NCOA6: variants seen among roughly 807,000 people sequenced by gnomAD.
The protein encoded by NCOA6 is NRC RAP250.
NCOA6 carries 49 observed loss-of-function variants against 171.4 expected under a neutral mutation model. The observed-to-expected ratio is 0.29, with a 90% CI of 0.23 to 0.36. NCOA6 has a LOEUF of 0.36. NCOA6 is among the 10% of genes least tolerant of loss of function. The pLI, the probability that NCOA6 is intolerant of heterozygous loss-of-function variation, is 1.00. For missense variants in NCOA6, 2,248 were observed against 2,554.5 expected (o/e 0.88, Z 2.59); for synonymous variants, 910 against 927.5 (o/e 0.98, Z 0.34).
In NCOA6 at chr20:34,743,034, G is replaced by A. The variant is rs1291780240; in HGVS notation, c.3222C>T (p.Gly1074=). 1.2e-6 allele frequency: 2 copies of A among 1,613,876 alleles called. No homozygotes were observed. Among genetic ancestry groups the A allele is most frequent in the African/African-American group, 1.3e-5 (1 of 75,060 alleles). ...GCAGACTGACCATGACAGGCACACT[G>A]CCACTCTGTTGCATGGGCATTCTCT... ...DSQRMPMQQS[G]SVPVMVSLQG... Residue 1074 remains glycine (G), a synonymous_variant, in exon 11 of 15, where the codon GGC becomes GGT. Coordinates refer to ENST00000359003, the MANE Select transcript of NCOA6 (RefSeq NM_014071.5).
chr20:34,763,337 T>C (rs1480639834), intron 5 of NCOA6, among the ~76,000 whole-genome samples: 3 of 152,228 alleles, frequency 2.0e-5, no homozygotes, highest in African/African-American at 7.2e-5. Context: ...TTTATTCAAA[T>C]TCACCTTCCA....
intron 14 of NCOA6, among the ~76,000 whole-genome samples, chr20:34,721,585 C>G (rs1384919674): frequency 6.6e-6 from 1 of 152,140 alleles, no homozygotes; most frequent in African/African-American, 2.4e-5. Context: ...CTCGCATGCA[C>G]AGTTTACAGT....
intron 8 of NCOA6, among the ~76,000 whole-genome samples, chr20:34,751,933 T>C (rs1392653184): frequency 6.6e-6 from 1 of 152,138 alleles, no homozygotes; most frequent in Admixed American, 6.6e-5. Context: ...CCTCGGCTCA[T>C]TGCAACCTCC....
chr20:34,734,585 A>G (rs767241527), intron 12 of NCOA6, among the ~76,000 whole-genome samples: 10 of 152,072 alleles, frequency 6.6e-5, no homozygotes, highest in East Asian at 1.9e-4. Flanking sequence ...GGCTCAATCA[A>G]TCCTCCCATC....
At chr20:34,825,278 G>A (rs2079119412) in intron 1 of NCOA6, among the ~76,000 whole-genome samples, 194 bp downstream of exon 1, 1 of 150,752 alleles carries the variant, frequency 6.6e-6, no homozygotes, top group Non-Finnish European at 1.5e-5. Flanking sequence ...TCCCCAACAT[G>A]GCGACGGGGA....
At chr20:34,821,687 A>C (rs2079013569) in intron 1 of NCOA6, 1 of 150,110 alleles carries the variant, frequency 6.7e-6, no homozygotes, top group African/African-American at 2.5e-5. Context: ...TCCCGGGTTC[A>C]CACCATTCTC....
intron 5 of NCOA6, among the ~76,000 whole-genome samples, chr20:34,760,260 G>A (rs1383526932): frequency 6.6e-6 from 1 of 152,168 alleles, no homozygotes; most frequent in African/African-American, 2.4e-5. Context: ...CTAGGCAACA[G>A]GGCAAGAGCC....
intron 2 of NCOA6, among the ~76,000 whole-genome samples, chr20:34,788,498 T>C (rs1183368982): frequency 1.3e-5 from 2 of 152,168 alleles, no homozygotes; most frequent in Non-Finnish European, 2.9e-5. Context: ...ATGGTAATGG[T>C]AAACTGACAT....
chr20:34,788,491 G>A (rs2077758276), intron 2 of NCOA6, among the ~76,000 whole-genome samples: 2 of 152,168 alleles, frequency 1.3e-5, no homozygotes, highest in South Asian at 2.1e-4. Context: ...TGTTGTCATG[G>A]TAATGGTAAA....
In NCOA6 at chr20:34,742,171, G is replaced by A. The variant is rs138038168; in HGVS notation, c.4085C>T (p.Ala1362Val). 1.9e-6 allele frequency: 3 copies of A among 1,614,236 alleles called. No individual in the cohort carries two copies. Among genetic ancestry groups the A allele is most frequent in the East Asian group, 2.2e-5 (1 of 44,882 alleles). Residue 1362 changes from alanine to valine, a missense_variant, in exon 11 of 15, where the codon GCA becomes GTA. Transcript: ENST00000359003. ...PKLTLASQTN[A>V]ALLQNVELPR... ...CAACTCCACATTCTGCAATAGGGCT[G>A]CATTTGTCTGAGAGGCCAGAGTAAG...
chr20:34,737,785 C>G (rs1268966399), intron 11 of NCOA6, among the ~76,000 whole-genome samples: 1 of 152,220 alleles, frequency 6.6e-6, no homozygotes, highest in African/African-American at 2.4e-5. Flanking sequence ...CCCTGCTTAG[C>G]AAAGCAGTAA....
chr20:34,738,696 C>T (rs1467975341), intron 11 of NCOA6, among the ~76,000 whole-genome samples: 3 of 152,346 alleles, frequency 2.0e-5, no homozygotes, highest in Middle Eastern at 3.4e-3. Context: ...GTGTTGGCCA[C>T]TTGACAAATC....
chr20:34,770,337 T>C (rs1270804765), intron 4 of NCOA6, among the ~76,000 whole-genome samples: 1 of 152,124 alleles, frequency 6.6e-6, no homozygotes, highest in African/African-American at 2.4e-5. Flanking sequence ...GTCAGCTTTC[T>C]ATGTCTATTT....
chr20:34,787,122 GA>G (rs71340421), intron 2 of NCOA6, among the ~76,000 whole-genome samples: 51,581 of 144,560 alleles, frequency 0.36, 9,158 homozygotes, highest in Middle Eastern at 0.42. Flanking sequence ...ACAAATTTAT[GA>G]AAAAAAAAAA....
chr20:34,771,448 T>A (rs2077149342), intron 4 of NCOA6, among the ~76,000 whole-genome samples: 1 of 152,212 alleles, frequency 6.6e-6, no homozygotes, highest in South Asian at 2.1e-4. Flanking sequence ...GTAAGAATTA[T>A]TGAGATATTT....
chr20:34,817,544 A>T (rs1217023603), intron 1 of NCOA6, among the ~76,000 whole-genome samples: 3 of 151,664 alleles, frequency 2.0e-5, no homozygotes, highest in Non-Finnish European at 4.4e-5. Context: ...TTGTGTATAC[A>T]TCTAAATGTA....
chr20:34,737,189 G>A lies in NCOA6; in HGVS notation c.5894-431C>T, dbSNP rs538981778. Reference sequence around the variant, plus strand: ...TCACTCCCTAAAGACTATACTCTATGAGAGTGGAAATGGTCACATAATTTT... The same window carrying A: ...TCACTCCCTAAAGACTATACTCTATAAGAGTGGAAATGGTCACATAATTTT... On this transcript the variant is annotated intron_variant, in intron 11 of 14. Transcript: ENST00000359003. 5.3e-5 allele frequency among the ~76,000 whole-genome samples: 8 copies of A among 152,314 alleles called. No homozygotes were observed. In the South Asian group the frequency reaches 1.5e-3, roughly 28 times the overall value.
At chr20:34,739,652 A>G (rs1328581694) in intron 11 of NCOA6, among the ~76,000 whole-genome samples, 1 of 152,230 alleles carries the variant, frequency 6.6e-6, no homozygotes, top group Non-Finnish European at 1.5e-5. Flanking sequence ...ACAGTGTTAA[A>G]TGGGAGGTTC....
intron 13 of NCOA6, 63 bp from the exon 14 acceptor site, chr20:34,727,470 C>T: frequency 1.3e-6 from 2 of 1,564,790 alleles, no homozygotes; most frequent in South Asian, 1.1e-5. Context: ...AAAAAACGGG[C>T]TCTTCAGATA....
Sources: allele counts gnomAD v4.1 joint callset (sites outside exome capture counted in the v4.1 genomes callset), GRCh38; gene constraint gnomAD v4.1.1; transcripts MANE v1.5; gene names NCBI Gene and HGNC (gene_info 2026-07-23, HGNC 2026-07-21).